GMDS: variants seen among roughly 807,000 people sequenced by gnomAD.
GMDS encodes the protein GDP-mannose 4,6-dehydratase, also known as GDP-mannose 4,6 dehydratase.
A neutral mutation model predicts 49.9 loss-of-function variants in GMDS; 20 were observed. The ratio of observed to expected loss-of-function variants is 0.40; its 90% CI spans 0.28 to 0.58. The LOEUF (loss-of-function observed/expected upper bound fraction) is 0.58, where lower values mean the gene tolerates loss of function less well. Among genes scored for constraint, GMDS ranks in the 20% least tolerant of loss-of-function variants. The pLI is 0.42. For synonymous variants in GMDS, 177 were observed against 178.6 expected (o/e 0.99, Z 0.07); for missense variants, 362 against 481.4 (o/e 0.75, Z 2.32).
At chr6:1,691,344 T>TGG (rs1765163923) in intron 9 of GMDS, among the ~76,000 whole-genome samples, 1 of 145,758 alleles carries the variant, frequency 6.9e-6, no homozygotes, top group Non-Finnish European at 1.5e-5. Context: ...GCACACACAC[T>TGG]GGGGCCTGTT....
At chr6:1,666,801 G>A (rs1764252622) in intron 9 of GMDS, among the ~76,000 whole-genome samples, 2 of 152,164 alleles carry the variant, frequency 1.3e-5, no homozygotes, top group South Asian at 2.1e-4. Context: ...TAAGCGGAAC[G>A]ATAGTGGAGA....
intron 7 of GMDS, among the ~76,000 whole-genome samples, chr6:1,878,140 C>T (rs182690463): frequency 4.6e-5 from 7 of 151,902 alleles, no homozygotes; most frequent in East Asian, 3.9e-4. Flanking sequence ...GGTGAAACCC[C>T]GTCTCTACTA....
chr6:2,245,296 G>A, intron 1 of GMDS, 25 bp downstream of exon 1: 2 of 1,479,748 alleles, frequency 1.4e-6, no homozygotes, highest in South Asian at 1.2e-5. Context: ...TGCCTCGGCC[G>A]GCGCGCCCCC....
At chr6:2,059,315 T>C (rs2127445366) in intron 4 of GMDS, among the ~76,000 whole-genome samples, 1 of 152,062 alleles carries the variant, frequency 6.6e-6, no homozygotes, top group Non-Finnish European at 1.5e-5. Flanking sequence ...AAAATCTGAT[T>C]AGAATATTAG....
intron 7 of GMDS, among the ~76,000 whole-genome samples, chr6:1,807,692 G>A (rs1414320245): frequency 6.6e-6 from 1 of 152,252 alleles, no homozygotes; most frequent in Admixed American, 6.5e-5. Context: ...GCAACTGGAT[G>A]TCCATGTGGA....
intron 4 of GMDS, among the ~76,000 whole-genome samples, chr6:2,094,892 T>C (rs1773506773): frequency 1.3e-5 from 2 of 152,208 alleles, no homozygotes; most frequent in Non-Finnish European, 2.9e-5. Flanking sequence ...TTCCAGCTGC[T>C]ACATTTCTTG....
At chr6:2,142,080 C>G (rs1485822590) in intron 1 of GMDS, among the ~76,000 whole-genome samples, 1 of 152,148 alleles carries the variant, frequency 6.6e-6, no homozygotes, top group Non-Finnish European at 1.5e-5. Flanking sequence ...AATTATGGCA[C>G]TTGAACAAAG....
At chr6:1,789,004 A>G (rs1769422913) in intron 7 of GMDS, among the ~76,000 whole-genome samples, 1 of 152,182 alleles carries the variant, frequency 6.6e-6, no homozygotes, top group Non-Finnish European at 1.5e-5. Flanking sequence ...CTGGTTATAA[A>G]CCTGAGGGGT....
Position 1,835,167 on chromosome 6 carries a change from G to GA in GMDS, c.772-92582_772-92581insT, listed in dbSNP as rs573709797. On this transcript the variant is annotated intron_variant, in intron 7 of 10. Coordinates refer to ENST00000380815, the MANE Select transcript of GMDS (RefSeq NM_001500.4). The stretch of plus-strand genomic sequence containing the variant: ...CAGAGTCTGTGTTGCGTAAGGGGGG[G>GA]TCTGTCAGGGAAGTTTTCCTTGAGG... 1.4e-3 allele frequency among the ~76,000 whole-genome samples: 220 copies of GA among 151,796 alleles called. 1 individual carries two copies. The highest frequency in any genetic ancestry group is 0.011 in the East Asian group (58 of 5,164).
intron 4 of GMDS, among the ~76,000 whole-genome samples, chr6:2,077,342 C>G (rs1197309053): frequency 6.6e-6 from 1 of 152,042 alleles, no homozygotes; most frequent in Non-Finnish European, 1.5e-5. Flanking sequence ...TGAAAATGGG[C>G]ATCCTGGTAT....
intron 9 of GMDS, among the ~76,000 whole-genome samples, chr6:1,708,790 T>A (rs13196839): frequency 0.06 from 9,139 of 152,230 alleles, 621 homozygotes; most frequent in African/African-American, 0.17. Flanking sequence ...CCAACCGGGG[T>A]CACGTCTCTG....
At chr6:2,052,118 AAAAAAAAAAAAAG>A (rs1419870332) in intron 4 of GMDS, among the ~76,000 whole-genome samples, 8 of 139,496 alleles carry the variant, frequency 5.7e-5, no homozygotes, top group Admixed American at 1.4e-4. Flanking sequence ...CTCTGTCTCA[AAAAAAAAAAAAAG>A]AAAAAAAAAA....
chr6:1,867,039 C>G (rs1262844401), intron 7 of GMDS, among the ~76,000 whole-genome samples: 7 of 152,198 alleles, frequency 4.6e-5, no homozygotes, highest in African/African-American at 1.7e-4. Context: ...ATGCTCCTGA[C>G]AAATTACATG....
chr6:1,933,567 C>T (rs1181827157), intron 6 of GMDS, among the ~76,000 whole-genome samples: 3 of 152,188 alleles, frequency 2.0e-5, no homozygotes, highest in Non-Finnish European at 4.4e-5. Flanking sequence ...TGCTAGTTGG[C>T]ACCGAGTGGT....
chr6:1,993,119 A>G (rs982194546), intron 4 of GMDS, among the ~76,000 whole-genome samples: 2 of 151,880 alleles, frequency 1.3e-5, no homozygotes, highest in African/African-American at 4.8e-5. Context: ...TGTCACCTGG[A>G]TGCAGTCCCA....
intron 6 of GMDS, 58 bp from the exon 7 acceptor site, chr6:1,930,288 T>C (rs1430475458): frequency 3.9e-5 from 59 of 1,500,660 alleles, no homozygotes; most frequent in Non-Finnish European, 5.2e-5. Context: ...TTTAACAGTT[T>C]GGTGAACCAA....
At chr6:1,877,051 T>C (rs1759104470) in intron 7 of GMDS, among the ~76,000 whole-genome samples, 1 of 152,168 alleles carries the variant, frequency 6.6e-6, no homozygotes, top group South Asian at 2.1e-4. Context: ...TAAGACTTTT[T>C]TCCCTCCTCA....
chr6:2,214,437 T>G (rs1305433782), intron 1 of GMDS, among the ~76,000 whole-genome samples: 1 of 152,226 alleles, frequency 6.6e-6, no homozygotes, highest in Non-Finnish European at 1.5e-5. Flanking sequence ...ATTGTCATTA[T>G]TCCCTAAACA....
At chr6:2,128,816 A>G (rs953629600) in intron 1 of GMDS, among the ~76,000 whole-genome samples, 3 of 152,252 alleles carry the variant, frequency 2.0e-5, no homozygotes, top group Non-Finnish European at 4.4e-5. Flanking sequence ...ATGTAATTTT[A>G]GAACACTCCA....
Sources: allele counts gnomAD v4.1 joint callset (sites outside exome capture counted in the v4.1 genomes callset), GRCh38; gene constraint gnomAD v4.1.1; transcripts MANE v1.5; gene names NCBI Gene and HGNC (gene_info 2026-07-23, HGNC 2026-07-21).